The following INTS12 variants were observed in gnomAD, a reference collection of about 807,000 sequenced individuals.
The protein encoded by INTS12 is PHD finger protein 22.
INTS12 carries 13 observed loss-of-function variants against 41.6 expected under a neutral mutation model. That is an observed-to-expected ratio of 0.31 (90% CI 0.20 to 0.50). The LOEUF (loss-of-function observed/expected upper bound fraction) is 0.50, where lower values mean the gene tolerates loss of function less well. INTS12 is among the 20% of genes least tolerant of loss of function. The pLI is 0.98. For synonymous variants in INTS12, 199 were observed against 191.4 expected (o/e 1.04, Z -0.33); for missense variants, 432 against 541.6 (o/e 0.80, Z 2.01).
At chr4:105,694,994 C>T (rs1035686416) in intron 4 of INTS12, among the ~76,000 whole-genome samples, 2 of 151,828 alleles carry the variant, frequency 1.3e-5, no homozygotes, top group Non-Finnish European at 2.9e-5. Flanking sequence ...GCACGATCAC[C>T]GCTCACTGCA....
In INTS12 at chr4:105,697,329, A is replaced by G. The variant is rs547600280; in HGVS notation, c.157-1661T>C. 1.1e-4 allele frequency among the ~76,000 whole-genome samples: 16 copies of G among 152,356 alleles called. No homozygotes were observed. The South Asian group carries it at 3.3e-3, about 32-fold the overall frequency. The stretch of plus-strand genomic sequence containing the variant: ...AAACAAAACTAAGGCAGCTGAGTGC[A>G]GTCTATTTTACTGTGATAATATGTA... On this transcript the variant is annotated intron_variant, in intron 3 of 7. Transcript: ENST00000340139.
chr4:105,698,691 T>C (rs923874280), intron 3 of INTS12, among the ~76,000 whole-genome samples: 1 of 152,184 alleles, frequency 6.6e-6, no homozygotes, highest in Non-Finnish European at 1.5e-5. Flanking sequence ...GCAATGAGAA[T>C]GGATAGAAGA....
Position 105,699,872 on chromosome 4 carries a change from G to C in INTS12, c.134C>G (p.Ser45Cys). ...LDESLARGID[S>C]SYRPSQKDVE... ...TACCTTTTGAGATGGACGGTAACTG[G>C]AATCAATGCCCCGAGCCAAAGATTC... Residue 45 changes from serine to cysteine, a missense_variant, in exon 3 of 8, where the codon TCC becomes TGC. Physicochemically the swap from Ser to Cys is moderately radical, Grantham distance 112. This residue lies in a region of INTS12 where 168 missense variants were observed against 198.9 expected (regional missense o/e 0.84). Coordinates refer to ENST00000340139, the MANE Select transcript of INTS12 (RefSeq NM_020395.4). 6 of 1,536,444 alleles carry C rather than the reference G, an allele frequency of 3.9e-6. No individual in the cohort carries two copies. Among genetic ancestry groups the C allele is most frequent in the Non-Finnish European group, 5.3e-6 (6 of 1,129,108 alleles).
intron 4 of INTS12, among the ~76,000 whole-genome samples, chr4:105,693,759 G>C (rs1342345838): frequency 6.6e-6 from 1 of 152,170 alleles, no homozygotes; most frequent in Admixed American, 6.5e-5. Flanking sequence ...ATCTACTAAA[G>C]AATTATGGAA....
intron 6 of INTS12, among the ~76,000 whole-genome samples, chr4:105,691,172 T>C (rs1468302918): frequency 6.6e-6 from 1 of 152,246 alleles, no homozygotes; most frequent in Admixed American, 6.5e-5. Flanking sequence ...GACAAATTTA[T>C]ATAGAAATTC....
intron 7 of INTS12, among the ~76,000 whole-genome samples, 181 bp downstream of exon 7, chr4:105,686,511 A>C (rs1470122020): frequency 1.3e-5 from 2 of 152,248 alleles, no homozygotes; most frequent in Admixed American, 1.3e-4. Flanking sequence ...CAACAGAGTT[A>C]GAGATTAATT....
At chr4:105,700,583 C>A (rs537062080) in intron 2 of INTS12, among the ~76,000 whole-genome samples, 1 of 151,278 alleles carries the variant, frequency 6.6e-6, no homozygotes, top group African/African-American at 2.4e-5. Context: ...CTGCCCCAAC[C>A]CTAAATGTCT....
intron 2 of INTS12, among the ~76,000 whole-genome samples, chr4:105,703,179 C>T (rs1732143452): frequency 6.6e-6 from 1 of 152,046 alleles, no homozygotes; most frequent in African/African-American, 2.4e-5. Context: ...AAAACAAAGT[C>T]CTGTGTGTGT....
At position 105,682,915 on chromosome 4, in the gene INTS12, C is replaced by T; in HGVS notation, c.1207G>A (p.Gly403Arg). The T allele has an allele frequency of 6.2e-7, 1 of 1,614,106 alleles. No homozygotes were observed. Among genetic ancestry groups the T allele is most frequent in the Non-Finnish European group, 8.5e-7 (1 of 1,179,966 alleles). Residue 403 changes from glycine (G) to arginine (R), a missense_variant, in exon 8 of 8, where the codon GGG becomes AGG. Gly to Arg is a moderately radical substitution (Grantham distance 125). This residue lies in a region of INTS12 where 258 missense variants were observed against 309.9 expected (regional missense o/e 0.83). Coordinates refer to ENST00000340139, the MANE Select transcript of INTS12 (RefSeq NM_020395.4). ...CCTGATGTTCCACTATTTCCATTCC[C>T]ACTTAGTTGGCTGCTGCTTCCTGGA... The part of the protein sequence containing the change: ...LVPGSSSQLS[G>R]NGNSGTSGPS...
intron 2 of INTS12, among the ~76,000 whole-genome samples, chr4:105,701,818 T>G (rs1451101161): frequency 6.6e-6 from 1 of 152,214 alleles, no homozygotes; most frequent in Admixed American, 6.5e-5. Context: ...GAAAAACCAT[T>G]TCTTGAAATT....
At chr4:105,700,556 C>G (rs1224266232) in intron 2 of INTS12, among the ~76,000 whole-genome samples, 1 of 146,968 alleles carries the variant, frequency 6.8e-6, no homozygotes. Flanking sequence ...TTTTTCTAAA[C>G]TCACCTCTTC....
intron 1 of INTS12, among the ~76,000 whole-genome samples, chr4:105,706,688 T>C (rs1732276553): frequency 6.6e-6 from 1 of 152,228 alleles, no homozygotes; most frequent in African/African-American, 2.4e-5. Context: ...TTTCAATAAA[T>C]GACACAACTT....
chr4:105,683,277 A>G lies in INTS12; in HGVS notation c.845T>C (p.Val282Ala). The change falls in exon 8 of 8, where the codon GTT becomes GCT. Residue 282 changes from valine to alanine, a missense_variant. By Grantham distance (64) the Val-to-Ala change is moderately conservative. This residue lies in a region of INTS12 where 258 missense variants were observed against 309.9 expected (regional missense o/e 0.83). Coordinates refer to ENST00000340139, the MANE Select transcript of INTS12 (RefSeq NM_020395.4). ...TAAGCCACTAGTTACTGACGAGGAA[A>G]CGCTGGCACTAGAAGAATTTCCTGA... ...VISGNSSSAS[V>A]SSSVTSGLTG... 6.2e-7 allele frequency: 1 copy of G among 1,613,518 alleles called. No homozygotes were observed. The highest frequency in any genetic ancestry group is 8.5e-7 in the Non-Finnish European group (1 of 1,179,770).
chr4:105,686,564 A>C, intron 7 of INTS12, 128 bp downstream of exon 7: 1 of 634,476 alleles, frequency 1.6e-6, no homozygotes. Flanking sequence ...AATAGTAGTA[A>C]AGTCTTAATT....
intron 3 of INTS12, among the ~76,000 whole-genome samples, chr4:105,695,918 G>A (rs1731847182): frequency 6.6e-6 from 1 of 152,000 alleles, no homozygotes; most frequent in Non-Finnish European, 1.5e-5. Flanking sequence ...CTGTGGCACA[G>A]TCTTGGCTCA....
chr4:105,703,306 T>C (rs530157981), intron 2 of INTS12, among the ~76,000 whole-genome samples: 4 of 152,246 alleles, frequency 2.6e-5, no homozygotes, highest in Non-Finnish European at 5.9e-5. Flanking sequence ...TTTACCACTT[T>C]AAAGCTTTCG....
intron 7 of INTS12, among the ~76,000 whole-genome samples, chr4:105,684,712 C>A (rs1731443174): frequency 6.6e-6 from 1 of 152,014 alleles, no homozygotes; most frequent in South Asian, 2.1e-4. Context: ...GGAATATATA[C>A]CAGCAATGAG....
chr4:105,707,452 C>T lies in INTS12; in HGVS notation c.-172+1186G>A, dbSNP rs551776565. The stretch of plus-strand genomic sequence containing the variant: ...CAACAAAATAATGGCTATAGAATTA[C>T]TGGAATTAAGTGATCAAAGTATAGT... On this transcript the variant is annotated intron_variant, in intron 1 of 7. Coordinates refer to ENST00000340139, the MANE Select transcript of INTS12 (RefSeq NM_020395.4). Among the ~76,000 whole-genome samples the T allele has an allele frequency of 7.2e-5, 11 of 152,072 alleles. No homozygotes were observed. The South Asian group carries it at 1.9e-3, about 26-fold the overall frequency.
In INTS12 at chr4:105,686,807, G is replaced by T. The variant is rs1431447820; in HGVS notation, c.689C>A (p.Pro230Gln). ...AGTTACAGAAACAACTGCAGGGGCT[G>T]GTTTCTGCGGTGGTTTCTGAGTTTT... is the stretch of plus-strand genomic sequence containing the variant. ...AQKTQKPPQKPAPAVVSVTPA... is the reference protein window; with the variant it reads ...AQKTQKPPQKQAPAVVSVTPA... The change falls in exon 7 of 8, where the codon CCA becomes CAA. Residue 230 changes from proline (P) to glutamine (Q), a missense_variant. Coordinates refer to ENST00000340139, the MANE Select transcript of INTS12 (RefSeq NM_020395.4). 8 of 1,613,780 alleles carry T rather than the reference G, an allele frequency of 5.0e-6. No homozygotes were observed. The highest frequency in any genetic ancestry group is 6.8e-6 in the Non-Finnish European group (8 of 1,179,870).
Sources: gnomAD v4.1 joint callset for allele counts (sites outside exome capture counted in the v4.1 genomes callset) on GRCh38, gnomAD v4.1.1 for gene constraint, gnomAD v4.1.1 regional missense constraint, MANE v1.5 for transcripts, NCBI Gene and HGNC (gene_info 2026-07-23, HGNC 2026-07-21) for gene names.